The following TMOD1 variants were observed in gnomAD, a reference collection of about 807,000 sequenced individuals.
TMOD1 encodes tropomodulin-1.
In TMOD1, 17 loss-of-function variants were observed where a neutral mutation model predicts 40.6. The ratio of observed to expected loss-of-function variants is 0.42; its 90% CI spans 0.29 to 0.63. TMOD1 has a LOEUF of 0.63. TMOD1 is among the 20% of genes least tolerant of loss of function. The pLI is 0.22. For missense variants in TMOD1, 391 were observed against 447.6 expected (o/e 0.87, Z 1.14); for synonymous variants, 181 against 175.0 (o/e 1.03, Z -0.27).
chr9:97,585,270 G>C (rs1303535037), intron 8 of TMOD1, among the ~76,000 whole-genome samples: 4 of 150,612 alleles, frequency 2.7e-5, no homozygotes, highest in Non-Finnish European at 4.5e-5. Flanking sequence ...ATGAAGCTTA[G>C]TTTGGCTGGA....
At chr9:97,595,938 GT>G (rs1158536990) in intron 9 of TMOD1, among the ~76,000 whole-genome samples, 1 of 151,992 alleles carries the variant, frequency 6.6e-6, no homozygotes, top group African/African-American at 2.4e-5. Flanking sequence ...GCCGGGCATG[GT>G]GGCAGGCACC....
At chr9:97,551,014 ATTTT>A (rs55700746) in intron 3 of TMOD1, among the ~76,000 whole-genome samples, 44 of 104,246 alleles carry the variant, frequency 4.2e-4, no homozygotes, top group Non-Finnish European at 5.8e-4. Flanking sequence ...ATATATATAT[ATTTT>A]TTTTTTTTTT....
At chr9:97,530,106 G>A (rs1830076207) in intron 2 of TMOD1, among the ~76,000 whole-genome samples, 1 of 152,186 alleles carries the variant, frequency 6.6e-6, no homozygotes. Flanking sequence ...AACTCAGAGA[G>A]CAGATTGGGG....
intron 3 of TMOD1, among the ~76,000 whole-genome samples, chr9:97,546,964 A>G (rs1830370985): frequency 6.7e-6 from 1 of 149,858 alleles, no homozygotes; most frequent in Non-Finnish European, 1.5e-5. Flanking sequence ...ACATCAGGAC[A>G]TGAAGCCTAA....
At chr9:97,517,132 A>G (rs1164343623) in intron 1 of TMOD1, among the ~76,000 whole-genome samples, 1 of 152,082 alleles carries the variant, frequency 6.6e-6, no homozygotes, top group Non-Finnish European at 1.5e-5. Flanking sequence ...GGATTGCTTG[A>G]GGCCAGGGGT....
At chr9:97,595,997 C>T (rs1347445428) in intron 9 of TMOD1, among the ~76,000 whole-genome samples, 1 of 151,926 alleles carries the variant, frequency 6.6e-6, no homozygotes, top group Non-Finnish European at 1.5e-5. Context: ...TCGCTTGAAC[C>T]CGGGAGGCAG....
chr9:97,527,706 G>T (rs1830038856), intron 2 of TMOD1, among the ~76,000 whole-genome samples: 1 of 152,208 alleles, frequency 6.6e-6, no homozygotes, highest in African/African-American at 2.4e-5. Flanking sequence ...GGTTCAGGGA[G>T]CCCTTGAGGG....
chr9:97,522,192 G>T (rs1829928816), intron 1 of TMOD1, among the ~76,000 whole-genome samples: 1 of 152,198 alleles, frequency 6.6e-6, no homozygotes, highest in Non-Finnish European at 1.5e-5. Context: ...CAGTGTTGGA[G>T]GCTAGAAGTC....
chr9:97,569,169 A>G, intron 8 of TMOD1, 132 bp downstream of exon 8: 8 of 1,124,120 alleles, frequency 7.1e-6, no homozygotes, highest in Non-Finnish European at 1.0e-5. Flanking sequence ...AGGGACCTCC[A>G]AGGTCCCTAA....
At chr9:97,552,935 C>T (rs760007324) in intron 3 of TMOD1, among the ~76,000 whole-genome samples, 3 of 152,220 alleles carry the variant, frequency 2.0e-5, no homozygotes, top group Non-Finnish European at 4.4e-5. Context: ...TTCCCAAGGT[C>T]TCAGAACCTT....
rs1440049982 is a variant in TMOD1, at chr9:97,587,563, G to GT, written c.871-3725dup. Among the ~76,000 whole-genome samples the GT allele has an allele frequency of 6.3e-3, 773 of 122,058 alleles. 4 individuals are homozygous for GT. The highest frequency in any genetic ancestry group is 0.021 in the African/African-American group (741 of 35,178). The allele number at this position is 122,058 out of a possible 152,430, so 80.1% of individuals were successfully genotyped here. A position where few individuals can be genotyped will look rare whatever the true frequency, so the allele number is the denominator to read the frequency against. On this transcript the variant is annotated intron_variant, in intron 8 of 9. Transcript: ENST00000259365. ...CATATCCTTTCCCCGTTTTCTAATT[G>GT]TTTGTTTTTTTTTTACTGTGGAGTT...
intron 1 of TMOD1, among the ~76,000 whole-genome samples, chr9:97,519,869 C>A (rs564254657): frequency 9.2e-5 from 14 of 152,172 alleles, no homozygotes; most frequent in Admixed American, 9.2e-4. Flanking sequence ...TGGCTAATAT[C>A]TGTGAAGCCA....
rs534819384 is a variant in TMOD1 at position 97,557,624 on chromosome 9, G to C, written c.397+4224G>C. Among the ~76,000 whole-genome samples, 6 of 152,290 alleles carry C rather than the reference G, an allele frequency of 3.9e-5. No individual in the cohort carries two copies. The highest frequency in any genetic ancestry group is 3.4e-3 in the Middle Eastern group (1 of 294). On this transcript the variant is annotated intron_variant, in intron 4 of 9. Coordinates refer to ENST00000259365, the MANE Select transcript of TMOD1 (RefSeq NM_003275.4). The surrounding 1 kb of genome is among the most constrained non-coding windows in gnomAD (Gnocchi z 4.4). The stretch of plus-strand genomic sequence containing the variant: ...AGCAGCTCAACTGCATCCAAGTCCT[G>C]GGCTGGAGCCAGTTTCTCCCACCTG...
intron 8 of TMOD1, among the ~76,000 whole-genome samples, chr9:97,590,219 TTTTA>T (rs1370820574): frequency 2.0e-5 from 3 of 151,922 alleles, no homozygotes; most frequent in African/African-American, 7.3e-5. Context: ...TTTTTTCAAT[TTTTA>T]TTTATTTTTT....
At chr9:97,544,226 T>C (rs922962939) in intron 2 of TMOD1, among the ~76,000 whole-genome samples, 2 of 152,170 alleles carry the variant, frequency 1.3e-5, no homozygotes, top group African/African-American at 4.8e-5. Flanking sequence ...TTATGCATAG[T>C]ACACCTTTTA....
In TMOD1 at chr9:97,502,391, C is replaced by G. The variant is rs1338350644; in HGVS notation, c.-49+588C>G. Among the ~76,000 whole-genome samples the G allele has an allele frequency of 3.3e-5, 5 of 152,234 alleles. No individual in the cohort carries two copies. Among genetic ancestry groups the G allele is most frequent in the African/African-American group, 9.6e-5 (4 of 41,476 alleles). ...AGAGACAAGGTTTAAAGCACCACGA[C>G]ACGCGCTACGCGGCCAAGTGGAGCT... On this transcript the variant is annotated intron_variant, in intron 1 of 9. Transcript: ENST00000259365. This position sits in a 1 kb window ranked among gnomAD's most constrained non-coding sequence, Gnocchi z 6.1.
intron 3 of TMOD1, among the ~76,000 whole-genome samples, chr9:97,552,203 TC>T (rs1463172947): frequency 6.6e-6 from 1 of 152,198 alleles, no homozygotes; most frequent in African/African-American, 2.4e-5. Flanking sequence ...GACTGAAACT[TC>T]CAGTGCAATG....
chr9:97,600,658 A>T lies in TMOD1; in HGVS notation c.*960A>T. On this transcript the variant is annotated 3_prime_UTR_variant, in exon 10 of 10. Transcript: ENST00000259365. ...AGCTACTGATCTCATCACTTATTAG[A>T]CAAATTGCTGCTGACCTTACGCCTG... 1.0e-6 allele frequency: 1 copy of T among 991,656 alleles called. No individual in the cohort carries two copies. The highest frequency in any genetic ancestry group is 4.6e-5 in the South Asian group (1 of 21,972). The allele number at this position is 991,656 out of a possible 1,614,324, so 61.4% of individuals were successfully genotyped here.
In TMOD1 at chr9:97,564,026, C is replaced by T. The variant is rs765602657; in HGVS notation, c.488-12C>T. 1.3e-5 allele frequency: 21 copies of T among 1,599,556 alleles called. No individual in the cohort carries two copies. The highest frequency in any genetic ancestry group is 9.4e-5 in the African/African-American group (7 of 74,098). On this transcript the variant is annotated splice_polypyrimidine_tract_variant and intron_variant, in intron 5 of 9. Transcript: ENST00000259365. ...TTTCTGTGAGCCACCTCCCTTTCAT[C>T]GGTCACTCTAGGCGTGATTAAACCC...
Sources: allele counts gnomAD v4.1 joint callset (sites outside exome capture counted in the v4.1 genomes callset), GRCh38; gene constraint gnomAD v4.1.1; non-coding constraint Gnocchi (gnomAD v3.1); transcripts MANE v1.5; gene names NCBI Gene and HGNC (gene_info 2026-07-23, HGNC 2026-07-21).